The following FHIT variants were observed in gnomAD, a reference collection of about 807,000 sequenced individuals.
FHIT encodes fragile histidine triad diadenosine triphosphatase, also known as bis(5'-adenosyl)-triphosphatase.
In FHIT, 19 loss-of-function variants were observed where a neutral mutation model predicts 17.9. That is an observed-to-expected ratio of 1.06 (90% confidence interval 0.74 to 1.56). The LOEUF (loss-of-function observed/expected upper bound fraction) is 1.56, where lower values mean the gene tolerates loss of function less well. FHIT is among the 40% of genes most tolerant of loss of function. The pLI, the probability that FHIT is intolerant of heterozygous loss-of-function variation, is 0.00. For missense variants in FHIT, 248 were observed against 189.2 expected (o/e 1.31, Z -1.82); for synonymous variants, 81 against 69.7 (o/e 1.16, Z -0.81).
intron 5 of FHIT, among the ~76,000 whole-genome samples, chr3:60,193,187 T>C (rs577945674): frequency 2.2e-4 from 33 of 152,340 alleles, no homozygotes; most frequent in African/African-American, 7.2e-4. Flanking sequence ...CGAGAACTAC[T>C]GTAATCGTGC....
chr3:61,047,318 G>C (rs1446109152), intron 2 of FHIT, among the ~76,000 whole-genome samples: 3 of 152,262 alleles, frequency 2.0e-5, no homozygotes, highest in Non-Finnish European at 4.4e-5. Context: ...AAAATCACAA[G>C]CATTCCTATA....
chr3:60,118,811 G>A (rs1166343303), intron 5 of FHIT, among the ~76,000 whole-genome samples: 1 of 148,590 alleles, frequency 6.7e-6, no homozygotes, highest in African/African-American at 2.5e-5. Context: ...GAAGTCAGGA[G>A]TTTGAGACCA....
chr3:60,413,672 G>A (rs74358734), intron 5 of FHIT, among the ~76,000 whole-genome samples: 7 of 135,908 alleles, frequency 5.2e-5, no homozygotes, highest in African/African-American at 1.4e-4. Flanking sequence ...GTGTGTGTGT[G>A]TATGTGTATG....
intron 3 of FHIT, among the ~76,000 whole-genome samples, chr3:60,850,787 CT>C (rs1342778872): frequency 6.6e-6 from 1 of 152,102 alleles, no homozygotes; most frequent in Non-Finnish European, 1.5e-5. Flanking sequence ...GTGTCTTTAT[CT>C]TATAAATTTC....
chr3:59,914,587 T>C (rs948960400), intron 8 of FHIT, among the ~76,000 whole-genome samples: 1 of 152,222 alleles, frequency 6.6e-6, no homozygotes, highest in Non-Finnish European at 1.5e-5. Context: ...CATTTACAAA[T>C]GCTTTGGGAC....
rs147454277 is a variant in FHIT at position 59,968,708 on chromosome 3, T to C, written c.279+42663A>G. On this transcript the variant is annotated intron_variant, in intron 7 of 9. Transcript: ENST00000492590. ...CCATTAGTTACATAAGCCTAGAAGA[T>C]ACCAGTATAGGTCAGCATGTGCCAA... is the stretch of plus-strand genomic sequence containing the variant. Among the ~76,000 whole-genome samples the C allele has an allele frequency of 5.3e-5, 8 of 152,302 alleles. No homozygotes were observed. The East Asian group carries it at 1.5e-3, about 29-fold the overall frequency.
At chr3:60,811,512 T>C (rs2106717140) in intron 4 of FHIT, among the ~76,000 whole-genome samples, 1 of 152,320 alleles carries the variant, frequency 6.6e-6, no homozygotes, top group East Asian at 1.9e-4. Context: ...GCAGTAGCGG[T>C]TAGCAGATTT....
chr3:60,048,105 C>T (rs1036202298), intron 5 of FHIT, among the ~76,000 whole-genome samples: 6 of 152,146 alleles, frequency 3.9e-5, no homozygotes, highest in Admixed American at 2.6e-4. Flanking sequence ...GTCCTAATCT[C>T]CTCCACGTAT....
intron 4 of FHIT, among the ~76,000 whole-genome samples, chr3:60,713,534 G>A (rs1395746395): frequency 6.6e-6 from 1 of 150,590 alleles, no homozygotes; most frequent in Non-Finnish European, 1.5e-5. Context: ...CCGCTAGCAA[G>A]ACTAATAAAG....
chr3:61,001,753 A>G (rs2031100889), intron 3 of FHIT, among the ~76,000 whole-genome samples: 1 of 152,130 alleles, frequency 6.6e-6, no homozygotes, highest in South Asian at 2.1e-4. Context: ...TCATGAAGCT[A>G]CACTTATGAT....
intron 4 of FHIT, among the ~76,000 whole-genome samples, chr3:60,689,943 T>A (rs1397050374): frequency 1.3e-5 from 2 of 152,220 alleles, no homozygotes; most frequent in African/African-American, 2.4e-5. Flanking sequence ...TAAATCTCAC[T>A]TTTTGTTAAC....
intron 5 of FHIT, among the ~76,000 whole-genome samples, chr3:60,486,456 C>A (rs1245906765): frequency 6.6e-6 from 1 of 152,070 alleles, no homozygotes; most frequent in Non-Finnish European, 1.5e-5. Context: ...CCCAAAGCTC[C>A]TAACATCAAA....
rs201958097 is a variant in FHIT, at chr3:60,237,262, A to ATTTT, written c.104-223114_104-223111dup. 8.5e-3 allele frequency among the ~76,000 whole-genome samples: 1,055 copies of ATTTT among 124,808 alleles called. 8 individuals are homozygous for ATTTT. Among genetic ancestry groups the ATTTT allele is most frequent in the Middle Eastern group, 0.026 (6 of 228 alleles). The allele number at this position is 124,808 out of a possible 152,430, so 81.9% of individuals were successfully genotyped here. On this transcript the variant is annotated intron_variant, in intron 5 of 9. Transcript: ENST00000492590. ...GAATATTAACAGGTTTTGTTTTTCC[A>ATTTT]TTTTTTTTTTTTTTTTTTTGGTTAA...
At chr3:60,448,754 G>C (rs1333167794) in intron 5 of FHIT, among the ~76,000 whole-genome samples, 3 of 152,078 alleles carry the variant, frequency 2.0e-5, no homozygotes, top group Non-Finnish European at 2.9e-5. Context: ...TAAATTCTGA[G>C]CTTAATATAA....
chr3:60,613,800 T>A (rs1466326326), intron 4 of FHIT, among the ~76,000 whole-genome samples: 3 of 152,066 alleles, frequency 2.0e-5, no homozygotes, highest in Non-Finnish European at 4.4e-5. Context: ...CTTCTCCCCA[T>A]GCAACATATC....
At chr3:59,846,568 C>T (rs140767093) in intron 8 of FHIT, among the ~76,000 whole-genome samples, 73 of 151,976 alleles carry the variant, frequency 4.8e-4, no homozygotes, top group East Asian at 2.5e-3. Context: ...TTTAAAAATC[C>T]GTTATTCTCT....
At chr3:59,921,930 G>A (rs1429351159) in intron 8 of FHIT, among the ~76,000 whole-genome samples, 4 of 152,180 alleles carry the variant, frequency 2.6e-5, no homozygotes, top group Admixed American at 6.5e-5. Context: ...ATGCTGTTGG[G>A]AAAGACAAGC....
At chr3:60,227,006 G>C (rs1330637608) in intron 5 of FHIT, among the ~76,000 whole-genome samples, 3 of 152,136 alleles carry the variant, frequency 2.0e-5, no homozygotes, top group Non-Finnish European at 4.4e-5. Flanking sequence ...TAAACTAGCA[G>C]TTAGGATGAT....
chr3:60,287,177 A>G (rs1039739816), intron 5 of FHIT, among the ~76,000 whole-genome samples: 6 of 150,500 alleles, frequency 4.0e-5, no homozygotes, highest in African/African-American at 1.5e-4. Flanking sequence ...TAAAATTTCC[A>G]TTTTTTTTTC....
Sources: allele counts gnomAD v4.1 joint callset (sites outside exome capture counted in the v4.1 genomes callset), GRCh38; gene constraint gnomAD v4.1.1; transcripts MANE v1.5; gene names NCBI Gene and HGNC (gene_info 2026-07-23, HGNC 2026-07-21).